Variants in MCM6 observed in about 807,000 individuals in gnomAD.
MCM6 encodes minichromosome maintenance complex component 6.
MCM6 carries 46 observed loss-of-function variants against 94.3 expected under a neutral mutation model. The observed-to-expected ratio is 0.49, with a 90% CI of 0.39 to 0.62. The LOEUF (loss-of-function observed/expected upper bound fraction) is 0.62. Among genes scored for constraint, MCM6 ranks in the 20% least tolerant of loss-of-function variants. The pLI, the probability that MCM6 is intolerant of heterozygous loss-of-function variation, is 0.00. For synonymous variants in MCM6, 335 were observed against 351.9 expected (o/e 0.95, Z 0.54); for missense variants, 865 against 1,017.9 (o/e 0.85, Z 2.04).
intron 11 of MCM6, 81 bp from the exon 12 acceptor site, chr2:135,852,996 T>C: frequency 7.6e-7 from 1 of 1,319,260 alleles, no homozygotes; most frequent in Non-Finnish European, 1.0e-6. Context: ...AAATGATTTA[T>C]CGCCAAAAAC....
Position 135,872,701 on chromosome 2 carries a change from A to G in MCM6, c.250T>C (p.Tyr84His), listed in dbSNP as rs775251514. The G allele has an allele frequency of 3.7e-6, 6 of 1,614,050 alleles. 1 individual carries two copies. Among genetic ancestry groups the G allele is most frequent in the South Asian group, 2.2e-5 (2 of 91,080 alleles). ...AGAAGATTAATATGCCCATACCTAT[A>G]GAACTCCTCTTGAATGGTGGTGGAA... ...QLSTTIQEEF[Y>H]RVYPYLCRAL... Residue 84 changes from tyrosine (Y) to histidine (H), a missense_variant, in exon 2 of 17, where the codon TAT (tyrosine) becomes CAT (histidine). Coordinates refer to ENST00000264156, the MANE Select transcript of MCM6 (RefSeq NM_005915.6).
In MCM6 at chr2:135,866,281, A is replaced by C; in HGVS notation, c.782-4T>G. On this transcript the variant is annotated splice_polypyrimidine_tract_variant and splice_region_variant and intron_variant, in intron 5 of 16. Transcript: ENST00000264156. Reference sequence around the variant, plus strand: ...GAATTAGTTTCTGCACGTGCTCCTGAAACAGAATGATAGGTTGTTTCACAA... The same window carrying C: ...GAATTAGTTTCTGCACGTGCTCCTGCAACAGAATGATAGGTTGTTTCACAA... 6.2e-7 allele frequency: 1 copy of C among 1,613,978 alleles called. No individual in the cohort carries two copies. The highest frequency in any genetic ancestry group is 8.5e-7 in the Non-Finnish European group (1 of 1,179,946).
At chr2:135,842,963 A>G (rs1679601115) in intron 16 of MCM6, among the ~76,000 whole-genome samples, 1 of 152,240 alleles carries the variant, frequency 6.6e-6, no homozygotes, top group Non-Finnish European at 1.5e-5. Context: ...TTATATTTTA[A>G]AAAGACTTAT....
intron 4 of MCM6, 110 bp from the exon 5 acceptor site, chr2:135,866,838 A>AT (rs1182778903): frequency 3.5e-6 from 3 of 867,714 alleles, no homozygotes; most frequent in Non-Finnish European, 5.1e-6. Context: ...TATCTGACCC[A>AT]TTAGCAGACT....
chr2:135,849,572 C>A lies in MCM6; in HGVS notation c.1918-1384G>T, dbSNP rs4988246. 7.9e-5 allele frequency among the ~76,000 whole-genome samples: 12 copies of A among 152,280 alleles called. No homozygotes were observed. The East Asian group carries it at 2.3e-3, about 29-fold the overall frequency. The stretch of plus-strand genomic sequence containing the variant: ...AGCAAGCTGATTTCTAAGTTCCTAA[C>A]AGCTGATAGAGAACAATGCGCTGGA... On this transcript the variant is annotated intron_variant, in intron 13 of 16. Transcript: ENST00000264156.
intron 15 of MCM6, among the ~76,000 whole-genome samples, chr2:135,845,325 C>T (rs1420106849): frequency 1.3e-5 from 2 of 152,174 alleles, no homozygotes; most frequent in Admixed American, 6.5e-5. Context: ...TCATAAAACT[C>T]AACTTCTGCT....
chr2:135,846,186 C>T (rs766482188), intron 15 of MCM6, 51 bp downstream of exon 15: 1 of 1,591,726 alleles, frequency 6.3e-7, no homozygotes, highest in Non-Finnish European at 8.6e-7. Flanking sequence ...CCTATGTGAA[C>T]AGAGCTTACA....
At position 135,865,017 on chromosome 2, in the gene MCM6, T is replaced by C; in HGVS notation, c.1074A>G (p.Ile358Met). ...ACAAATGGATGGAATTCTTACCATG[T>C]ATAGTAGGGAACAGGCTGGTACAAA... is the stretch of plus-strand genomic sequence containing the variant. Reference protein sequence around the residue: ...HNLCTSLFPTIHGNDEVKRGV... With the variant: ...HNLCTSLFPTMHGNDEVKRGV... Residue 358 changes from isoleucine to methionine, a missense_variant, in exon 7 of 17, where the codon ATA (isoleucine) becomes ATG (methionine). Ile to Met is a conservative substitution (Grantham distance 10). Around this residue, in one of 3 missense-constraint regions of MCM6, gnomAD observed 404 missense variants for 451.9 expected, o/e 0.89. Transcript: ENST00000264156. 1 of 1,443,188 alleles carries C rather than the reference T, an allele frequency of 6.9e-7. No individual in the cohort carries two copies. Among genetic ancestry groups the C allele is most frequent in the Non-Finnish European group, 9.2e-7 (1 of 1,092,800 alleles). 89.4% of individuals were successfully genotyped at this position (1,443,188 alleles called of 1,614,324 possible).
intron 4 of MCM6, among the ~76,000 whole-genome samples, chr2:135,867,367 G>A (rs1472876662): frequency 4.6e-5 from 7 of 151,612 alleles, no homozygotes; most frequent in Non-Finnish European, 7.4e-5. Flanking sequence ...ATACAGTTGT[G>A]TTCCCCCCCC....
chr2:135,868,847 T>G lies in MCM6; in HGVS notation c.379A>C (p.Thr127Pro). The G allele has an allele frequency of 6.2e-7, 1 of 1,614,120 alleles. No homozygotes were observed. ...LPTRHKIREL[T>P]SSRIGLLTRI... is the part of the protein sequence containing the mutation. Reference sequence around the variant, plus strand: ...GTGAGCAAACCAATTCTGGATGAGGTGAGCTCTCGAATCCTGTTTAAAGAC... The same window carrying G: ...GTGAGCAAACCAATTCTGGATGAGGGGAGCTCTCGAATCCTGTTTAAAGAC... The change falls in exon 4 of 17, where the codon ACC (threonine) becomes CCC (proline). Residue 127 changes from threonine to proline, a missense_variant. By Grantham distance (38) the Thr-to-Pro change is conservative. Around this residue, in one of 3 missense-constraint regions of MCM6, gnomAD observed 404 missense variants for 451.9 expected, o/e 0.89. Coordinates refer to ENST00000264156, the MANE Select transcript of MCM6 (RefSeq NM_005915.6).
intron 7 of MCM6, 80 bp downstream of exon 7, chr2:135,864,933 T>G: frequency 8.8e-7 from 1 of 1,130,290 alleles, no homozygotes; most frequent in Non-Finnish European, 1.2e-6. Context: ...CTGATTTATG[T>G]GCTTTCAGAA....
intron 9 of MCM6, 99 bp downstream of exon 9, chr2:135,859,202 G>A: frequency 1.9e-6 from 2 of 1,048,124 alleles, no homozygotes; most frequent in East Asian, 5.0e-5. Flanking sequence ...TGAGAATGCT[G>A]TTTTTAAGGA....
rs559704945 is a variant in MCM6, at chr2:135,874,027, A to C, written c.108-1184T>G. Among the ~76,000 whole-genome samples the C allele has an allele frequency of 1.8e-4, 27 of 152,312 alleles. No homozygotes were observed. In the South Asian group the frequency reaches 5.4e-3, roughly 30 times the overall value. On this transcript the variant is annotated intron_variant, in intron 1 of 16. Transcript: ENST00000264156. ...TGTTTTTGTAAGACAAACAGGAAAG[A>C]GGAGTGATGAAGAATTTGAACTTTA... is the stretch of plus-strand genomic sequence containing the variant.
Position 135,868,707 on chromosome 2 carries a change from T to C in MCM6, c.519A>G (p.Lys173=). 1 of 1,614,224 alleles carries C rather than the reference T, an allele frequency of 6.2e-7. No homozygotes were observed. Residue 173 remains lysine, a synonymous_variant, in exon 4 of 17, where the codon AAA becomes AAG. Transcript: ENST00000264156. ...TVIRDVEQQF[K]YTQPNICRNP... ...TTCGGCAGATGTTTGGCTGTGTGTA[T>C]TTGAACTGCTGTTCTACATCCCTGA... is the stretch of plus-strand genomic sequence containing the variant.
At chr2:135,848,881 T>C (rs1679716788) in intron 13 of MCM6, among the ~76,000 whole-genome samples, 1 of 151,418 alleles carries the variant, frequency 6.6e-6, no homozygotes, top group Admixed American at 6.6e-5. Context: ...TGAGACTCCA[T>C]CTCAAAAACA....
chr2:135,840,089 G>T lies in MCM6; in HGVS notation c.*746C>A, dbSNP rs1302587839. ...AGACCATAAAATTTGGGGATTGCTT[G>T]TAATATAGCAAATGACCTATTTCCC... On this transcript the variant is annotated 3_prime_UTR_variant, in exon 17 of 17. Transcript: ENST00000264156. 2.2e-4 allele frequency: 33 copies of T among 152,058 alleles called. No homozygotes were observed. Among genetic ancestry groups the T allele is most frequent in the Admixed American group, 2.2e-3 (33 of 15,268 alleles). 9.4% of individuals were successfully genotyped at this position (152,058 alleles called of 1,614,324 possible).
chr2:135,840,990 T>C (rs1679560290), intron 16 of MCM6, 39 bp from the exon 17 acceptor site: 6 of 1,427,416 alleles, frequency 4.2e-6, no homozygotes, highest in Non-Finnish European at 5.9e-6. Flanking sequence ...TTTCAAGCAG[T>C]ATTATACCAA....
chr2:135,853,011 T>A (rs1232145300), intron 11 of MCM6, 96 bp from the exon 12 acceptor site: 6 of 1,102,018 alleles, frequency 5.4e-6, no homozygotes, highest in Admixed American at 2.7e-5. Context: ...AAAAACAAGC[T>A]CTAATATACC....
rs1680017488 is a variant in MCM6, at chr2:135,862,648, G to A, written c.1179C>T (p.Cys393=). ...GTSLRGDINV[C]IVGDPSTAKS... Reference sequence around the variant, plus strand: ...TAGCTGTACTTGGGTCACCAACAATGCAAACATTTATGTCCCCTCGAAGAG... The same window carrying A: ...TAGCTGTACTTGGGTCACCAACAATACAAACATTTATGTCCCCTCGAAGAG... The change falls in exon 8 of 17, where the codon TGC becomes TGT. Residue 393 remains cysteine (C), a synonymous_variant. Coordinates refer to ENST00000264156, the MANE Select transcript of MCM6 (RefSeq NM_005915.6). 1 of 1,614,144 alleles carries A rather than the reference G, an allele frequency of 6.2e-7. No homozygotes were observed. The highest frequency in any genetic ancestry group is 8.5e-7 in the Non-Finnish European group (1 of 1,180,040).
Sources: gnomAD v4.1 joint callset for allele counts (sites outside exome capture counted in the v4.1 genomes callset) on GRCh38, gnomAD v4.1.1 for gene constraint, gnomAD v4.1.1 regional missense constraint, MANE v1.5 for transcripts, NCBI Gene and HGNC (gene_info 2026-07-23, HGNC 2026-07-21) for gene names.